KCNIP4: variants seen among roughly 807,000 people sequenced by gnomAD.
The protein encoded by KCNIP4 is potassium voltage-gated channel interacting protein 4.
KCNIP4 carries 12 observed loss-of-function variants against 34.0 expected under a neutral mutation model. That is an observed-to-expected ratio of 0.35 (90% CI 0.23 to 0.57). KCNIP4 has a LOEUF of 0.57. Among genes scored for constraint, KCNIP4 ranks in the 20% least tolerant of loss-of-function variants. The probability of loss-of-function intolerance (pLI) is 0.83; values close to 1 mark genes in which losing one functional copy is unlikely to be tolerated. For missense variants in KCNIP4, 238 were observed against 311.7 expected (o/e 0.76, Z 1.78); for synonymous variants, 124 against 102.2 (o/e 1.21, Z -1.29).
rs970680971 is a variant in KCNIP4, at chr4:21,100,555, A to C, written c.62-217846T>G. 4.6e-5 allele frequency among the ~76,000 whole-genome samples: 7 copies of C among 152,230 alleles called. No individual in the cohort carries two copies. The East Asian group carries it at 1.4e-3, about 29-fold the overall frequency. On this transcript the variant is annotated intron_variant, in intron 1 of 8. Transcript: ENST00000382152. ...GTGACAGAGTGAGATGCTGTCTCAA[A>C]AAAATAAATAAATAAAAATAAATTG...
chr4:21,920,713 C>A (rs538896456), intron 1 of KCNIP4, among the ~76,000 whole-genome samples: 1 of 152,212 alleles, frequency 6.6e-6, no homozygotes, highest in Admixed American at 6.5e-5. Context: ...ACTTGAGCAT[C>A]CATGGATTTT....
At chr4:20,954,864 G>T (rs565902664) in intron 1 of KCNIP4, among the ~76,000 whole-genome samples, 13 of 152,250 alleles carry the variant, frequency 8.5e-5, no homozygotes, top group African/African-American at 3.1e-4. Flanking sequence ...ATCCTATTAT[G>T]TGCCACCCTC....
At chr4:21,150,653 G>A (rs1282475596) in intron 1 of KCNIP4, among the ~76,000 whole-genome samples, 1 of 152,204 alleles carries the variant, frequency 6.6e-6, no homozygotes, top group Non-Finnish European at 1.5e-5. Flanking sequence ...CCATTTGTGA[G>A]TATAAAATTG....
chr4:20,814,803 G>T (rs1462004410), intron 3 of KCNIP4, among the ~76,000 whole-genome samples: 1 of 152,106 alleles, frequency 6.6e-6, no homozygotes, highest in Non-Finnish European at 1.5e-5. Flanking sequence ...AGAATTATAG[G>T]ACGACCTGGA....
chr4:21,466,148 G>A (rs955603649), intron 1 of KCNIP4, among the ~76,000 whole-genome samples: 2 of 152,124 alleles, frequency 1.3e-5, no homozygotes, highest in Non-Finnish European at 2.9e-5. Flanking sequence ...GTCCTGCCTA[G>A]TTCTTTTGCT....
intron 1 of KCNIP4, among the ~76,000 whole-genome samples, chr4:21,205,290 T>G (rs2108963682): frequency 6.6e-6 from 1 of 152,322 alleles, no homozygotes; most frequent in Non-Finnish European, 1.5e-5. Context: ...GCCTGCATCT[T>G]TATATCTTTT....
chr4:21,182,439 T>C (rs1439209980), intron 1 of KCNIP4, among the ~76,000 whole-genome samples: 1 of 148,234 alleles, frequency 6.7e-6, no homozygotes, highest in Non-Finnish European at 1.5e-5. Context: ...TCCTTTCCCT[T>C]CCTTTCCTGT....
intron 1 of KCNIP4, among the ~76,000 whole-genome samples, chr4:21,256,053 T>TAA (rs58937610): frequency 3.1e-4 from 45 of 147,534 alleles, no homozygotes; most frequent in African/African-American, 6.1e-4. Flanking sequence ...GCTAGCAAGG[T>TAA]AAAAAAAAAA....
At chr4:21,121,469 C>A (rs1353117648) in intron 1 of KCNIP4, among the ~76,000 whole-genome samples, 4 of 152,202 alleles carry the variant, frequency 2.6e-5, no homozygotes, top group African/African-American at 9.7e-5. Flanking sequence ...TCACTCGTTA[C>A]ATATTTTAAT....
At chr4:21,687,509 C>T (rs576733781) in intron 1 of KCNIP4, among the ~76,000 whole-genome samples, 11 of 151,956 alleles carry the variant, frequency 7.2e-5, no homozygotes, top group Admixed American at 1.3e-4. Flanking sequence ...CACTGGATTA[C>T]GATAATAAAC....
chr4:20,983,810 T>C, intron 1 of KCNIP4: 1 of 1,536,214 alleles, frequency 6.5e-7, no homozygotes, highest in Non-Finnish European at 8.7e-7. Flanking sequence ...AGCGACCACT[T>C]TACCTTCCGA....
intron 1 of KCNIP4, among the ~76,000 whole-genome samples, chr4:21,921,187 A>C (rs1458576173): frequency 6.6e-6 from 1 of 152,096 alleles, no homozygotes; most frequent in African/African-American, 2.4e-5. Context: ...CATTTGACTC[A>C]GCTGTCACGC....
Position 21,742,897 on chromosome 4 carries a change from ATAGATATGCCTT to A in KCNIP4, c.61+205662_61+205673del, listed in dbSNP as rs201655191. ...TAGAAGGATATCTCGGGGTAGTGGG[ATAGATATGCCTT>A]TATTGCATTTATATTTTCTATAATA... On this transcript the variant is annotated intron_variant, in intron 1 of 8. Transcript: ENST00000382152. Among the ~76,000 whole-genome samples, 1,331 of 152,306 alleles carry A rather than the reference ATAGATATGCCTT, an allele frequency of 8.7e-3. 18 individuals carry two copies. The highest frequency in any genetic ancestry group is 0.039 in the South Asian group (186 of 4,814).
At chr4:21,899,989 A>G (rs1727618416) in intron 1 of KCNIP4, among the ~76,000 whole-genome samples, 1 of 152,044 alleles carries the variant, frequency 6.6e-6, no homozygotes, top group Non-Finnish European at 1.5e-5. Flanking sequence ...AAAAAACTGG[A>G]GGAATCACAT....
chr4:20,737,650 G>A (rs1749968138), intron 5 of KCNIP4, among the ~76,000 whole-genome samples: 1 of 152,178 alleles, frequency 6.6e-6, no homozygotes, highest in Admixed American at 6.5e-5. Flanking sequence ...GGTAGAAGAG[G>A]TAAGAATCTG....
Position 21,460,776 on chromosome 4 carries a change from G to C in KCNIP4, c.61+487795C>G, listed in dbSNP as rs1177780301. Among the ~76,000 whole-genome samples, 7 of 152,144 alleles carry C rather than the reference G, an allele frequency of 4.6e-5. No individual in the cohort carries two copies. In the East Asian group the frequency reaches 1.2e-3, roughly 25 times the overall value. ...TCTCAGTAACTTTAGAGAATGTCAT[G>C]TATGCATCTCCTGGGGGAGGTCTGG... On this transcript the variant is annotated intron_variant, in intron 1 of 8. Transcript: ENST00000382152.
At chr4:21,054,521 GAAA>G (rs111426552) in intron 1 of KCNIP4, among the ~76,000 whole-genome samples, 1 of 98,482 alleles carries the variant, frequency 1.0e-5, no homozygotes. Context: ...CTCTGTCAAA[GAAA>G]AAAAAAAAAA....
intron 1 of KCNIP4, among the ~76,000 whole-genome samples, chr4:21,290,299 C>T (rs1321446381): frequency 1.3e-5 from 2 of 151,960 alleles, no homozygotes; most frequent in South Asian, 2.1e-4. Flanking sequence ...TTTCATTTTA[C>T]GTTGATAAAT....
intron 1 of KCNIP4, among the ~76,000 whole-genome samples, chr4:21,149,888 G>C (rs879719000): frequency 2.0e-5 from 3 of 152,114 alleles, no homozygotes; most frequent in African/African-American, 7.2e-5. Flanking sequence ...TAAAAACATG[G>C]ATTTTAAGTT....
Sources: allele counts gnomAD v4.1 joint callset (sites outside exome capture counted in the v4.1 genomes callset), GRCh38; gene constraint gnomAD v4.1.1; transcripts MANE v1.5; gene names NCBI Gene and HGNC (gene_info 2026-07-23, HGNC 2026-07-21).